The following ZNF316 variants were observed in gnomAD, a reference collection of about 807,000 sequenced individuals.
The protein encoded by ZNF316 is zinc finger protein 316.
A neutral mutation model predicts 75.6 loss-of-function variants in ZNF316; 23 were observed. That is an observed-to-expected ratio of 0.30 (90% CI 0.22 to 0.43). ZNF316 has a LOEUF of 0.43. ZNF316 is among the 20% of genes least tolerant of loss of function. The probability of loss-of-function intolerance (pLI) is 1.00; values close to 1 mark genes in which losing one functional copy is unlikely to be tolerated. For missense variants in ZNF316, 1,266 were observed against 1,409.4 expected (o/e 0.90, Z 1.63); for synonymous variants, 827 against 666.2 (o/e 1.24, Z -3.72).
Position 6,654,357 on chromosome 7 carries a change from G to A in ZNF316, c.2761G>A (p.Gly921Ser), listed in dbSNP as rs1244938194. ...GCGGCCCTACGCCTGCGCCAACTGC[G>A]GCCGCCGCTTCTCGCAGAGCTCGCA... ...GERPYACANC[G>S]RRFSQSSHLL... The change falls in exon 9 of 9, where the codon GGC becomes AGC. Residue 921 changes from glycine to serine, a missense_variant. Gly to Ser is a moderately conservative substitution (Grantham distance 56, BLOSUM62 0). Transcript: ENST00000382252. 13 of 1,220,512 alleles carry A rather than the reference G, an allele frequency of 1.1e-5. No homozygotes were observed. The highest frequency in any genetic ancestry group is 4.1e-5 in the South Asian group (1 of 24,514). The allele number at this position is 1,220,512 out of a possible 1,614,324, so 75.6% of individuals were successfully genotyped here. A position where few individuals can be genotyped will look rare whatever the true frequency, so the allele number is the denominator to read the frequency against.
At chr7:6,644,690 G>C (rs1751250564) in intron 8 of ZNF316, 97 bp downstream of exon 8, 1 of 610,772 alleles carries the variant, frequency 1.6e-6, no homozygotes, top group Non-Finnish European at 2.4e-6. Flanking sequence ...CCTGGTACCT[G>C]GTGCCTCTGA....
intron 2 of ZNF316, 70 bp from the exon 3 acceptor site, chr7:6,638,972 G>A (rs2254503): frequency 0.24 from 37,032 of 152,222 alleles, 5,292 homozygotes; most frequent in East Asian, 0.51. Context: ...GCTGAGGTCC[G>A]TTTTTCAAAC....
At chr7:6,643,977 G>C in intron 7 of ZNF316, 29 bp downstream of exon 7, 1 of 1,232,192 alleles carries the variant, frequency 8.1e-7, no homozygotes, top group Non-Finnish European at 1.0e-6. Context: ...GTCCCCAAGA[G>C]GCAGCCTGGT....
At position 6,653,292 on chromosome 7, in the gene ZNF316, C is replaced by G. The variant is rs1779548807; in HGVS notation, c.1696C>G (p.Pro566Ala). ...REEAAVAAPT[P>A]SGKVDPAPER... Reference sequence around the variant, plus strand: ...GGAGGCGGCGGTGGCGGCGCCCACCCCCAGCGGCAAGGTGGACCCCGCGCC... The same window carrying G: ...GGAGGCGGCGGTGGCGGCGCCCACCGCCAGCGGCAAGGTGGACCCCGCGCC... Residue 566 changes from proline to alanine, a missense_variant, in exon 9 of 9, where the codon CCC becomes GCC. By Grantham distance (27) the Pro-to-Ala change is conservative. Coordinates refer to ENST00000382252, the MANE Select transcript of ZNF316 (RefSeq NM_001278559.2). The G allele has an allele frequency of 1.6e-6, 2 of 1,227,602 alleles. No homozygotes were observed. Among genetic ancestry groups the G allele is most frequent in the African/African-American group, 1.6e-5 (1 of 64,036 alleles). The allele number at this position is 1,227,602 out of a possible 1,614,324, so 76.0% of individuals were successfully genotyped here.
intron 8 of ZNF316, among the ~76,000 whole-genome samples, chr7:6,646,384 C>G (rs1311681924): frequency 6.6e-6 from 1 of 152,184 alleles, no homozygotes; most frequent in African/African-American, 2.4e-5. Flanking sequence ...GGGGCCCGTC[C>G]CTCAGCGTGT....
In ZNF316 at chr7:6,655,786, G is replaced by T. The variant is rs1020794287; in HGVS notation, c.*1175G>T. 1 of 152,134 alleles carries T rather than the reference G, an allele frequency of 6.6e-6. No homozygotes were observed. 9.4% of individuals were successfully genotyped at this position (152,134 alleles called of 1,614,324 possible). A position where few individuals can be genotyped will look rare whatever the true frequency, so the allele number is the denominator to read the frequency against. On this transcript the variant is annotated 3_prime_UTR_variant, in exon 9 of 9. Transcript: ENST00000382252. Reference sequence around the variant, plus strand: ...GCTTGCACAGTGGCTGTCCACCTCGGGGGGGTGTGGACCTGAGCCGTGGCT... The same window carrying T: ...GCTTGCACAGTGGCTGTCCACCTCGTGGGGGTGTGGACCTGAGCCGTGGCT...
rs1387174912 is a variant in ZNF316 at position 6,657,547 on chromosome 7, G to C, written c.*2936G>C. 6.6e-6 allele frequency among the ~76,000 whole-genome samples: 1 copy of C among 151,974 alleles called. No homozygotes were observed. The highest frequency in any genetic ancestry group is 2.4e-5 in the African/African-American group (1 of 41,380). On this transcript the variant is annotated 3_prime_UTR_variant, in exon 9 of 9. Transcript: ENST00000382252. ...TACAGTCTATTCAGAAAAGTTAAAT[G>C]AGGCTGGGTGCGATGGCTCATGCCT...
chr7:6,657,290 G>A lies in ZNF316; in HGVS notation c.*2679G>A, dbSNP rs998449456. ...ATTGCAGGTGTGAGTCACCGCGCCC[G>A]GCCAGAGCAACCTAATATTTCAAAA... On this transcript the variant is annotated 3_prime_UTR_variant, in exon 9 of 9. Coordinates refer to ENST00000382252, the MANE Select transcript of ZNF316 (RefSeq NM_001278559.2). Among the ~76,000 whole-genome samples the A allele has an allele frequency of 3.0e-5, 4 of 132,584 alleles. No individual in the cohort carries two copies. The highest frequency in any genetic ancestry group is 1.7e-4 in the Admixed American group (2 of 11,530). The allele number at this position is 132,584 out of a possible 152,430, so 87.0% of individuals were successfully genotyped here. A position where few individuals can be genotyped will look rare whatever the true frequency, so the allele number is the denominator to read the frequency against.
Position 6,653,445 on chromosome 7 carries a change from G to A in ZNF316, c.1849G>A (p.Gly617Ser). Residue 617 changes from glycine (G) to serine (S), a missense_variant, in exon 9 of 9, where the codon GGC becomes AGC. Physicochemically the swap from Gly to Ser is moderately conservative, Grantham distance 56. Transcript: ENST00000382252. ...WLHPDSFPIL[G>S]LPDFRERLPV... ...GCACCCGGACAGCTTCCCGATCCTG[G>A]GCCTACCCGACTTCCGAGAGCGGCT... 1 of 1,227,938 alleles carries A rather than the reference G, an allele frequency of 8.1e-7. No homozygotes were observed. Among genetic ancestry groups the A allele is most frequent in the Non-Finnish European group, 1.0e-6 (1 of 985,830 alleles). 76.1% of individuals were successfully genotyped at this position (1,227,938 alleles called of 1,614,324 possible). A position where few individuals can be genotyped will look rare whatever the true frequency, so the allele number is the denominator to read the frequency against.
In ZNF316 at chr7:6,652,550, C is replaced by T. The variant is rs1335343835; in HGVS notation, c.954C>T (p.Pro318=). Residue 318 remains proline (P), a synonymous_variant, in exon 9 of 9, where the codon CCC becomes CCT. Coordinates refer to ENST00000382252, the MANE Select transcript of ZNF316 (RefSeq NM_001278559.2). ...ADGSEAKPFL[P]GREPGANLLS... ...GCTCTGAAGCGAAGCCTTTCCTGCC[C>T]GGCCGGGAGCCGGGTGCGAACCTGC... is the stretch of plus-strand genomic sequence containing the variant. 8.9e-6 allele frequency: 11 copies of T among 1,230,954 alleles called. No homozygotes were observed. In the East Asian group the frequency reaches 1.9e-4, roughly 21 times the overall value. 76.3% of individuals were successfully genotyped at this position (1,230,954 alleles called of 1,614,324 possible).
Position 6,652,437 on chromosome 7 carries a change from G to C in ZNF316, c.841G>C (p.Gly281Arg). Residue 281 changes from glycine to arginine, a missense_variant, in exon 9 of 9, where the codon GGG becomes CGG. By Grantham distance (125) the Gly-to-Arg change is moderately radical. Coordinates refer to ENST00000382252, the MANE Select transcript of ZNF316 (RefSeq NM_001278559.2). ...GGCCTACGGCGTGGGGGACGTGCCT[G>C]GGACGTGGGGGCCCGACGACTCGGA... ...SAAYGVGDVP[G>R]TWGPDDSDSA... The C allele has an allele frequency of 8.1e-7, 1 of 1,232,096 alleles. No individual in the cohort carries two copies. The highest frequency in any genetic ancestry group is 1.0e-6 in the Non-Finnish European group (1 of 987,932). The allele number at this position is 1,232,096 out of a possible 1,614,324, so 76.3% of individuals were successfully genotyped here. A position where few individuals can be genotyped will look rare whatever the true frequency, so the allele number is the denominator to read the frequency against.
chr7:6,645,888 G>C (rs536794348), intron 8 of ZNF316, among the ~76,000 whole-genome samples: 12 of 151,426 alleles, frequency 7.9e-5, no homozygotes, highest in Non-Finnish European at 7.4e-5. Flanking sequence ...CAGCTACTTG[G>C]GAGGCTGAGG....
chr7:6,643,698 C>T (rs1258787231), intron 6 of ZNF316, 124 bp from the exon 7 acceptor site: 2 of 904,780 alleles, frequency 2.2e-6, no homozygotes, highest in Non-Finnish European at 2.9e-6. Flanking sequence ...CCTGAAAGCC[C>T]TCAGTGCCAT....
At chr7:6,650,546 G>A (rs549027806) in intron 8 of ZNF316, among the ~76,000 whole-genome samples, 1 of 152,296 alleles carries the variant, frequency 6.6e-6, no homozygotes, top group East Asian at 1.9e-4. Flanking sequence ...GTGGGACGAG[G>A]CAGTGCCAAG....
At chr7:6,644,270 T>G (rs1779359515) in intron 7 of ZNF316, among the ~76,000 whole-genome samples, 3 of 147,262 alleles carry the variant, frequency 2.0e-5, no homozygotes, top group Non-Finnish European at 3.0e-5. Context: ...CAGGTGAAGG[T>G]GTTGGGGGGG....
rs1779572493 is a variant in ZNF316 at position 6,654,173 on chromosome 7, C to T, written c.2577C>T (p.Phe859=). The change falls in exon 9 of 9, where the codon TTC becomes TTT. Residue 859 remains phenylalanine (F), a synonymous_variant. Transcript: ENST00000382252. ...GCACGCACACGGGCGAGAAGCCCTTCCGCTGCGCCGACTGCGGCCGCGGCT... is the reference window on the plus strand; with the variant it reads ...GCACGCACACGGGCGAGAAGCCCTTTCGCTGCGCCGACTGCGGCCGCGGCT... ...HRRTHTGEKP[F]RCADCGRGFA... is the part of the protein sequence containing the mutation. 11 of 1,223,154 alleles carry T rather than the reference C, an allele frequency of 9.0e-6. No homozygotes were observed. Among genetic ancestry groups the T allele is most frequent in the African/African-American group, 1.6e-5 (1 of 63,618 alleles). The allele number at this position is 1,223,154 out of a possible 1,614,324, so 75.8% of individuals were successfully genotyped here.
In ZNF316 at chr7:6,642,952, C is replaced by T; in HGVS notation, c.356-12C>T. The T allele has an allele frequency of 1.6e-6, 2 of 1,232,346 alleles. No homozygotes were observed. Among genetic ancestry groups the T allele is most frequent in the Non-Finnish European group, 2.0e-6 (2 of 988,288 alleles). The allele number at this position is 1,232,346 out of a possible 1,614,324, so 76.3% of individuals were successfully genotyped here. On this transcript the variant is annotated splice_polypyrimidine_tract_variant and intron_variant, in intron 5 of 8. Coordinates refer to ENST00000382252, the MANE Select transcript of ZNF316 (RefSeq NM_001278559.2). This position sits in a 1 kb window ranked among gnomAD's most constrained non-coding sequence, Gnocchi z 8.1. Reference sequence around the variant, plus strand: ...CTCAGGGCAGCTGGCCCTAAGAGATCTCTCCCCACAGGCCTGCAGGCCTCC... The same window carrying T: ...CTCAGGGCAGCTGGCCCTAAGAGATTTCTCCCCACAGGCCTGCAGGCCTCC...
Position 6,640,432 on chromosome 7 carries a change from C to T in ZNF316, c.-167+1291C>T, listed in dbSNP as rs1779292229. Among the ~76,000 whole-genome samples the T allele has an allele frequency of 2.0e-5, 3 of 152,064 alleles. No individual in the cohort carries two copies. Among genetic ancestry groups the T allele is most frequent in the African/African-American group, 7.2e-5 (3 of 41,388 alleles). ...GTCACATGGCGAAAACAGGAACAAGCAAGAGAGAGTGAGTGGGGAGGCGCC... is the reference window on the plus strand; with the variant it reads ...GTCACATGGCGAAAACAGGAACAAGTAAGAGAGAGTGAGTGGGGAGGCGCC... On this transcript the variant is annotated intron_variant, in intron 3 of 8. Transcript: ENST00000382252. This position sits in a 1 kb window ranked among gnomAD's most constrained non-coding sequence, Gnocchi z 5.1.
rs1390479330 is a variant in ZNF316 at position 6,637,682 on chromosome 7, C to T, written c.-430-164C>T. On this transcript the variant is annotated intron_variant, in intron 1 of 8. Transcript: ENST00000382252. The surrounding 1 kb of genome is among the most constrained non-coding windows in gnomAD (Gnocchi z 6.2). ...GACCCCCGTCCGGGCCTGCGCGTTG[C>T]CGACCCCCGGGGCCGGTCCGGGCAG... Among the ~76,000 whole-genome samples the T allele has an allele frequency of 6.6e-6, 1 of 151,274 alleles. No individual in the cohort carries two copies. The highest frequency in any genetic ancestry group is 1.5e-5 in the Non-Finnish European group (1 of 67,776).
Sources: allele counts gnomAD v4.1 joint callset (sites outside exome capture counted in the v4.1 genomes callset), GRCh38; gene constraint gnomAD v4.1.1; non-coding constraint Gnocchi (gnomAD v3.1); transcripts MANE v1.5; gene names NCBI Gene and HGNC (gene_info 2026-07-23, HGNC 2026-07-21).